The following ASPH variants were observed in gnomAD, a reference collection of about 807,000 sequenced individuals.
The protein encoded by ASPH is aspartate beta-hydroxylase.
A neutral mutation model predicts 118.4 loss-of-function variants in ASPH; 100 were observed. The observed-to-expected ratio is 0.84, with a 90% CI of 0.72 to 1.00. The LOEUF is 1.00. ASPH is among the 50% of genes least tolerant of loss of function. ASPH has a pLI of 0.00. For synonymous variants in ASPH, 315 were observed against 325.6 expected (o/e 0.97, Z 0.35); for missense variants, 920 against 919.5 (o/e 1.00, Z -0.01).
chr8:61,664,567 G>A (rs1294030567), intron 3 of ASPH: 3 of 985,160 alleles, frequency 3.0e-6, no homozygotes, highest in African/African-American at 1.7e-5. Flanking sequence ...GTTGTAGGGA[G>A]GTCAGGAGTG....
chr8:61,547,951 A>G, intron 21 of ASPH, 120 bp downstream of exon 21: 2 of 1,370,146 alleles, frequency 1.5e-6, no homozygotes, highest in Non-Finnish European at 2.0e-6. Context: ...ATATTTTGCA[A>G]ATGTCACTAG....
chr8:61,519,611 TA>T (rs1369866422), intron 22 of ASPH, among the ~76,000 whole-genome samples: 1 of 152,220 alleles, frequency 6.6e-6, no homozygotes, highest in Non-Finnish European at 1.5e-5. Flanking sequence ...CAGCTCACAT[TA>T]AAATAGGGAG....
At chr8:61,610,482 G>A (rs1431725270) in intron 14 of ASPH, among the ~76,000 whole-genome samples, 1 of 152,154 alleles carries the variant, frequency 6.6e-6, no homozygotes, top group East Asian at 1.9e-4. Flanking sequence ...CAGAAATCTT[G>A]TATAATTAAC....
intron 20 of ASPH, among the ~76,000 whole-genome samples, chr8:61,550,675 T>C (rs1173382140): frequency 6.6e-6 from 1 of 152,132 alleles, no homozygotes; most frequent in African/African-American, 2.4e-5. Context: ...TGCCTAAGGA[T>C]TGTAAATGCT....
chr8:61,706,989 G>T (rs1455696965), intron 1 of ASPH, among the ~76,000 whole-genome samples: 2 of 152,126 alleles, frequency 1.3e-5, no homozygotes, highest in East Asian at 3.8e-4. Flanking sequence ...GTGGTTCAGA[G>T]ATCTAAATGT....
chr8:61,703,510 G>A (rs926346094), intron 1 of ASPH, among the ~76,000 whole-genome samples: 2 of 151,744 alleles, frequency 1.3e-5, no homozygotes, highest in Non-Finnish European at 2.9e-5. Flanking sequence ...TTAAAAATAC[G>A]ATTTCTAATA....
At chr8:61,505,268 A>G (rs941079098) in intron 24 of ASPH, among the ~76,000 whole-genome samples, 2 of 152,118 alleles carry the variant, frequency 1.3e-5, no homozygotes, top group Non-Finnish European at 2.9e-5. Flanking sequence ...GGCTGAGGAC[A>G]GTGGATCACA....
chr8:61,671,438 C>G (rs1822461615), intron 3 of ASPH, among the ~76,000 whole-genome samples: 1 of 152,150 alleles, frequency 6.6e-6, no homozygotes, highest in African/African-American at 2.4e-5. Flanking sequence ...AAAATTCTAT[C>G]AATTCGAGCA....
At chr8:61,612,355 T>A (rs1417472640) in intron 14 of ASPH, among the ~76,000 whole-genome samples, 1 of 149,130 alleles carries the variant, frequency 6.7e-6, no homozygotes, top group East Asian at 2.0e-4. Flanking sequence ...TGGGAAAAAA[T>A]GATTAAGAAA....
chr8:61,646,626 G>A, intron 6 of ASPH, 124 bp downstream of exon 6: 1 of 1,156,450 alleles, frequency 8.6e-7, no homozygotes, highest in Non-Finnish European at 1.1e-6. Flanking sequence ...GAAGCTTTAA[G>A]CTTCAACTTT....
At chr8:61,649,651 C>T (rs1396592388) in intron 5 of ASPH, among the ~76,000 whole-genome samples, 1 of 151,636 alleles carries the variant, frequency 6.6e-6, no homozygotes, top group Non-Finnish European at 1.5e-5. Context: ...TGGCTGCCTG[C>T]CCACCCCCCA....
At chr8:61,549,430 C>A (rs906154361) in intron 20 of ASPH, among the ~76,000 whole-genome samples, 1 of 152,154 alleles carries the variant, frequency 6.6e-6, no homozygotes, top group African/African-American at 2.4e-5. Flanking sequence ...ACTTATTCTA[C>A]TCTCCTCCTA....
intron 21 of ASPH, among the ~76,000 whole-genome samples, chr8:61,528,200 A>T (rs569086870): frequency 1.3e-5 from 2 of 152,326 alleles, no homozygotes; most frequent in South Asian, 4.1e-4. Context: ...CAGGGCAAAG[A>T]TCGCATTTCA....
intron 14 of ASPH, among the ~76,000 whole-genome samples, chr8:61,618,332 T>C (rs1390504628): frequency 1.3e-5 from 2 of 152,146 alleles, no homozygotes; most frequent in Non-Finnish European, 2.9e-5. Flanking sequence ...GATCATATCA[T>C]TCAACTGATA....
chr8:61,714,180 T>C lies in ASPH; in HGVS notation c.103+89A>G, dbSNP rs1355193873. On this transcript the variant is annotated intron_variant, in intron 1 of 24. Coordinates refer to ENST00000379454, the MANE Select transcript of ASPH (RefSeq NM_004318.4). ...GATGGAGGCGGCGCGCGGTGGGACCTGGGGAGATGCACCCGCAGCGTCCGC... is the reference window on the plus strand; with the variant it reads ...GATGGAGGCGGCGCGCGGTGGGACCCGGGGAGATGCACCCGCAGCGTCCGC... 3.7e-6 allele frequency: 5 copies of C among 1,340,344 alleles called. No homozygotes were observed. The South Asian group carries it at 9.0e-5, about 24-fold the overall frequency. 83.0% of individuals were successfully genotyped at this position (1,340,344 alleles called of 1,614,324 possible).
chr8:61,584,013 A>G lies in ASPH; in HGVS notation c.993T>C (p.Pro331=), dbSNP rs1206230212. Reference sequence around the variant, plus strand: ...TCTTATCAAATTTATTTAAAAGTTTAGGCTTCTTTTTCTTAACTGAAAGAA... The same window carrying G: ...TCTTATCAAATTTATTTAAAAGTTTGGGCTTCTTTTTCTTAACTGAAAGAA... ...EQKAKVKKKK[P]KLLNKFDKTI... The change falls in exon 15 of 25, where the codon CCT becomes CCC. Residue 331 remains proline, a synonymous_variant. Transcript: ENST00000379454. 1 of 1,554,446 alleles carries G rather than the reference A, an allele frequency of 6.4e-7. No homozygotes were observed. Among genetic ancestry groups the G allele is most frequent in the Admixed American group, 1.9e-5 (1 of 51,416 alleles).
chr8:61,562,572 T>C (rs907439684), intron 18 of ASPH, among the ~76,000 whole-genome samples, 172 bp downstream of exon 18: 1 of 152,218 alleles, frequency 6.6e-6, no homozygotes, highest in African/African-American at 2.4e-5. Context: ...AAAAATCTTC[T>C]GATCTAGGAA....
At chr8:61,634,530 A>G (rs1033924297) in intron 12 of ASPH, among the ~76,000 whole-genome samples, 1 of 152,242 alleles carries the variant, frequency 6.6e-6, no homozygotes, top group African/African-American at 2.4e-5. Context: ...ACATGCTCAA[A>G]ACAGAATATT....
rs544271326 is a variant in ASPH, at chr8:61,591,810, A to G, written c.977-7781T>C. Reference sequence around the variant, plus strand: ...TGTCTGTACTCTTAACCATTTTGCTATATCTTTGGCATCTGGCTCAGAAGT... The same window carrying G: ...TGTCTGTACTCTTAACCATTTTGCTGTATCTTTGGCATCTGGCTCAGAAGT... On this transcript the variant is annotated intron_variant, in intron 14 of 24. Transcript: ENST00000379454. Among the ~76,000 whole-genome samples the G allele has an allele frequency of 3.9e-5, 6 of 152,226 alleles. No homozygotes were observed. In the South Asian group the frequency reaches 6.2e-4, roughly 16 times the overall value.
Sources: gnomAD v4.1 joint callset for allele counts (sites outside exome capture counted in the v4.1 genomes callset) on GRCh38, gnomAD v4.1.1 for gene constraint, MANE v1.5 for transcripts, NCBI Gene and HGNC (gene_info 2026-07-23, HGNC 2026-07-21) for gene names.